The following PGBD2 variants were observed in gnomAD, a reference collection of about 807,000 sequenced individuals.
The protein encoded by PGBD2 is piggyBac transposable element derived 2, also known as piggyBac transposable element-derived protein 2.
PGBD2 carries 6 observed loss-of-function variants against 8.1 expected under a neutral mutation model. The observed-to-expected ratio is 0.74, with a 90% CI of 0.40 to 1.46. The LOEUF (loss-of-function observed/expected upper bound fraction) is 1.46, where lower values mean the gene tolerates loss of function less well. Ranked by LOEUF, PGBD2 falls within the 40% of genes most tolerant of loss-of-function variation. The pLI, the probability that PGBD2 is intolerant of heterozygous loss-of-function variation, is 0.02. For synonymous variants in PGBD2, 318 were observed against 272.2 expected (o/e 1.17, Z -1.66); for missense variants, 802 against 739.0 (o/e 1.09, Z -0.99).
At position 248,917,475 on chromosome 1, in the gene PGBD2, G is replaced by T; in HGVS notation, c.891G>T (p.Trp297Cys). 2 of 1,614,142 alleles carry T rather than the reference G, an allele frequency of 1.2e-6. No individual in the cohort carries two copies. The highest frequency in any genetic ancestry group is 1.7e-6 in the Non-Finnish European group (2 of 1,180,018). ...CTGTGCGACTTGGCTACAAGATTTG[G>T]TGTGGGACAACCAGCAGAGGCTACT... The part of the protein sequence containing the change: ...GKPVRLGYKI[W>C]CGTTSRGYLV... The change falls in exon 3 of 3, where the codon TGG becomes TGT. Residue 297 changes from tryptophan (W) to cysteine (C), a missense_variant. Coordinates refer to ENST00000329291, the MANE Select transcript of PGBD2 (RefSeq NM_170725.3).
chr1:248,893,664 A>G, the PGBD2 span, among the ~76,000 whole-genome samples: 4 of 152,224 alleles, frequency 2.6e-5, no homozygotes, highest in African/African-American at 9.6e-5. Context: ...GGTTGTTTCC[A>G]TATCTTGGCT....
intron 1 of PGBD2, among the ~76,000 whole-genome samples, chr1:248,911,200 G>A (rs190292097): frequency 1.3e-4 from 20 of 151,744 alleles, no homozygotes; most frequent in Admixed American, 3.9e-4. Context: ...TAATAGTGGA[G>A]GGAAGGTCAG....
rs1046461093 is a variant in PGBD2 at position 248,917,983 on chromosome 1, G to A, written c.1399G>A (p.Asp467Asn). 5.0e-6 allele frequency: 8 copies of A among 1,614,078 alleles called. No individual in the cohort carries two copies. Among genetic ancestry groups the A allele is most frequent in the Non-Finnish European group, 4.2e-6 (5 of 1,180,038 alleles). ...QEKVGGVGRM[D>N]QNIAKYKVKI... is the part of the protein sequence containing the mutation. ...GAAGGTGGGTGGCGTTGGTAGGATG[G>A]ATCAGAATATTGCCAAGTACAAGGT... Residue 467 changes from aspartate to asparagine, a missense_variant, in exon 3 of 3, where the codon GAT becomes AAT. Transcript: ENST00000329291.
chr1:248,902,137 C>T (rs1661544616), upstream of PGBD2, among the ~76,000 whole-genome samples: 1 of 151,970 alleles, frequency 6.6e-6, no homozygotes, highest in Non-Finnish European at 1.5e-5. Context: ...GGCATGGTGG[C>T]ACACACCTGT....
chr1:248,888,608 G>T, the PGBD2 span, among the ~76,000 whole-genome samples: 1 of 151,624 alleles, frequency 6.6e-6, no homozygotes, highest in Non-Finnish European at 1.5e-5. Context: ...TTGTTGATTT[G>T]TTTCAGTTCC....
intron 1 of PGBD2, among the ~76,000 whole-genome samples, chr1:248,907,290 C>T (rs1267086016): frequency 6.6e-6 from 1 of 152,250 alleles, no homozygotes; most frequent in African/African-American, 2.4e-5. Context: ...AATAACAGGG[C>T]AGCATTGCTG....
Position 248,917,351 on chromosome 1 carries a change from T to G in PGBD2, c.767T>G (p.Phe256Cys). The change falls in exon 3 of 3, where the codon TTC (phenylalanine) becomes TGC (cysteine). Residue 256 changes from phenylalanine to cysteine, a missense_variant. Coordinates refer to ENST00000329291, the MANE Select transcript of PGBD2 (RefSeq NM_170725.3). ...CTCATCATCCGGATGAACTGCAATT[T>G]CCAGAAGCATGCACCCTTGGAAGAG... Reference protein sequence around the residue: ...RPLIIRMNCNFQKHAPLEEFY... With the variant: ...RPLIIRMNCNCQKHAPLEEFY... 6.2e-7 allele frequency: 1 copy of G among 1,614,186 alleles called. No individual in the cohort carries two copies. Among genetic ancestry groups the G allele is most frequent in the Non-Finnish European group, 8.5e-7 (1 of 1,180,034 alleles).
the PGBD2 span, among the ~76,000 whole-genome samples, chr1:248,890,400 C>T: frequency 2.6e-5 from 4 of 152,046 alleles, no homozygotes; most frequent in Admixed American, 1.3e-4. Context: ...CGTTTTTATG[C>T]GAAGAAACAG....
At chr1:248,902,573 A>G (rs1368438256), upstream of PGBD2, among the ~76,000 whole-genome samples, 1 of 152,192 alleles carries the variant, frequency 6.6e-6, no homozygotes, top group Non-Finnish European at 1.5e-5. Flanking sequence ...ACTACTCACA[A>G]CAGCTAAGAC....
the PGBD2 span, among the ~76,000 whole-genome samples, chr1:248,896,003 T>A: frequency 6.6e-6 from 1 of 151,976 alleles, no homozygotes; most frequent in Non-Finnish European, 1.5e-5. Context: ...TAGTCTTTTA[T>A]CCATCACGCC....
At chr1:248,897,264 A>G in the PGBD2 span, among the ~76,000 whole-genome samples, 1 of 150,300 alleles carries the variant, frequency 6.7e-6, no homozygotes, top group African/African-American at 2.5e-5. Flanking sequence ...TGCCTCTTTA[A>G]GAAAGTTCTA....
chr1:248,917,951 A>G lies in PGBD2; in HGVS notation c.1367A>G (p.Tyr456Cys). Residue 456 changes from tyrosine to cysteine, a missense_variant, in exon 3 of 3, where the codon TAT becomes TGT. By Grantham distance (194) the Tyr-to-Cys change is radical. Transcript: ENST00000329291. The stretch of plus-strand genomic sequence containing the variant: ...CACCAGCCATCACTGGTGAAGCTGT[A>G]TCAGGAGAAGGTGGGTGGCGTTGGT... ...QVHQPSLVKL[Y>C]QEKVGGVGRM... The G allele has an allele frequency of 1.9e-6, 3 of 1,614,258 alleles. No individual in the cohort carries two copies. Among genetic ancestry groups the G allele is most frequent in the Non-Finnish European group, 2.5e-6 (3 of 1,180,040 alleles).
At chr1:248,902,389 T>A (rs1364934489), upstream of PGBD2, among the ~76,000 whole-genome samples, 1 of 152,224 alleles carries the variant, frequency 6.6e-6, no homozygotes, top group African/African-American at 2.4e-5. Flanking sequence ...GCTTTTACAC[T>A]GTTGGTTCAA....
chr1:248,896,148 A>G, the PGBD2 span, among the ~76,000 whole-genome samples: 1 of 152,186 alleles, frequency 6.6e-6, no homozygotes. Flanking sequence ...TACTTCACTT[A>G]GAATAATGGT....
At chr1:248,882,637 G>A in the PGBD2 span, among the ~76,000 whole-genome samples, 9 of 152,104 alleles carry the variant, frequency 5.9e-5, no homozygotes, top group South Asian at 2.1e-4. Context: ...ATGGACAGGC[G>A]CCCCTCATGT....
At chr1:248,919,229 C>G (rs1310337584), downstream of PGBD2, 1 of 167,038 alleles carries the variant, frequency 6.0e-6, no homozygotes. Context: ...CACTCTCCCC[C>G]ACCCCCTAAC....
chr1:248,875,737 T>A, the PGBD2 span, among the ~76,000 whole-genome samples: 2 of 152,216 alleles, frequency 1.3e-5, no homozygotes, highest in Non-Finnish European at 2.9e-5. Context: ...CTCTACACGA[T>A]CAGACGGAAC....
chr1:248,917,402 G>T lies in PGBD2; in HGVS notation c.818G>T (p.Cys273Phe). The T allele has an allele frequency of 1.2e-6, 2 of 1,614,138 alleles. No homozygotes were observed. The highest frequency in any genetic ancestry group is 2.2e-5 in the South Asian group (2 of 91,082). ...TTCTACAGCTTTGGCGAGTCTATGT[G>T]TGAGTACTTTGGGCACCGGGGGTCC... Reference protein sequence around the residue: ...EEFYSFGESMCEYFGHRGSKQ... With the variant: ...EEFYSFGESMFEYFGHRGSKQ... The change falls in exon 3 of 3, where the codon TGT becomes TTT. Residue 273 changes from cysteine (C) to phenylalanine (F), a missense_variant. Physicochemically the swap from Cys to Phe is radical, Grantham distance 205. Transcript: ENST00000329291.
chr1:248,886,818 A>G, the PGBD2 span, among the ~76,000 whole-genome samples: 53 of 152,336 alleles, frequency 3.5e-4, no homozygotes, highest in African/African-American at 1.3e-3. Context: ...TGGAGGGTTC[A>G]AAAGGAAACT....
Sources: allele counts gnomAD v4.1 joint callset (sites outside exome capture counted in the v4.1 genomes callset), GRCh38; gene constraint gnomAD v4.1.1; transcripts MANE v1.5; gene names NCBI Gene and HGNC (gene_info 2026-07-23, HGNC 2026-07-21).